LRP2: variants seen among roughly 807,000 people sequenced by gnomAD.
LRP2 encodes LDL receptor related protein 2.
In LRP2, 172 loss-of-function variants were observed where a neutral mutation model predicts 531.0. That is an observed-to-expected ratio of 0.32 (90% confidence interval 0.29 to 0.37). LRP2 has a LOEUF of 0.37. LRP2 is among the 10% of genes least tolerant of loss of function. The pLI is 1.00. For synonymous variants in LRP2, 1,992 were observed against 2,027.6 expected (o/e 0.98, Z 0.47); for missense variants, 5,167 against 5,868.3 (o/e 0.88, Z 3.90).
In LRP2 at chr2:169,259,155, A is replaced by C. The variant is rs1342231992; in HGVS notation, c.2383T>G (p.Ser795Ala). 6.2e-7 allele frequency: 1 copy of C among 1,613,410 alleles called. No homozygotes were observed. Among genetic ancestry groups the C allele is most frequent in the Non-Finnish European group, 8.5e-7 (1 of 1,179,596 alleles). Residue 795 changes from serine (S) to alanine (A), a missense_variant, in exon 17 of 79, where the codon TCA (serine) becomes GCA (alanine). Ser to Ala is a moderately conservative substitution (Grantham distance 99, BLOSUM62 1). Around this residue, in one of 6 missense-constraint regions of LRP2, gnomAD observed 2,811 missense variants for 3,058.0 expected, o/e 0.92. Transcript: ENST00000649046. The stretch of plus-strand genomic sequence containing the variant: ...GAGTCTGTCCAATAGAGATTCTTTG[A>C]AATCCAATCAAAAGCCAAACTTTCA... Reference protein sequence around the residue: ...NVESLAFDWISKNLYWTDSHY... With the variant: ...NVESLAFDWIAKNLYWTDSHY...
At chr2:169,146,616 G>C (rs1685923020) in intron 69 of LRP2, 123 bp downstream of exon 69, 1 of 725,228 alleles carries the variant, frequency 1.4e-6, no homozygotes, top group Admixed American at 2.3e-5. Context: ...GTGGAGGGGT[G>C]GTATCTAAAA....
At chr2:169,306,149 A>G (rs1462900613) in intron 4 of LRP2, among the ~76,000 whole-genome samples, 2 of 151,912 alleles carry the variant, frequency 1.3e-5, no homozygotes, top group Non-Finnish European at 2.9e-5. Context: ...TCAGAAATAT[A>G]TGTTATATGT....
chr2:169,272,939 G>T lies in LRP2; in HGVS notation c.2104C>A (p.Arg702Ser), dbSNP rs147858162. The T allele has an allele frequency of 9.9e-6, 16 of 1,613,500 alleles. No homozygotes were observed. The African/African-American group carries it at 2.0e-4, about 20-fold the overall frequency. ...TFGFQLDTDE[R>S]HCIAVQNFLI... ...ACAGACTTCTTACCAATGCAGTGGC[G>T]CTCATCTGTATCCAGTTGGAAGCCG... Residue 702 changes from arginine (R) to serine (S), a missense_variant, in exon 15 of 79, where the codon CGC becomes AGC. Arg to Ser is a moderately radical substitution (Grantham distance 110, BLOSUM62 -1). Coordinates refer to ENST00000649046, the MANE Select transcript of LRP2 (RefSeq NM_004525.3).
rs188383699 is a variant in LRP2, at chr2:169,147,420, T to C, written c.12591-461A>G. On this transcript the variant is annotated intron_variant, in intron 68 of 78. Coordinates refer to ENST00000649046, the MANE Select transcript of LRP2 (RefSeq NM_004525.3). ...TCACTACACTCCTGGGCTCAAGCGA[T>C]CCTCTCATCTCAGCCTCCTGAGTAG... is the stretch of plus-strand genomic sequence containing the variant. Among the ~76,000 whole-genome samples, 403 of 152,252 alleles carry C rather than the reference T, an allele frequency of 2.6e-3. 2 individuals carry two copies. The highest frequency in any genetic ancestry group is 9.5e-3 in the African/African-American group (395 of 41,552).
At chr2:169,360,147 AAG>A (rs1188079646) in intron 1 of LRP2, among the ~76,000 whole-genome samples, 2,115 of 43,860 alleles carry the variant, frequency 0.048, 293 homozygotes, top group African/African-American at 0.062. Context: ...AAAAAAAAAA[AAG>A]AGAGAGAGAG....
intron 33 of LRP2, among the ~76,000 whole-genome samples, chr2:169,221,658 G>A (rs141220819): frequency 1.1e-3 from 170 of 152,186 alleles, no homozygotes; most frequent in African/African-American, 3.5e-3. Flanking sequence ...TCATACATGC[G>A]TGTGCACGTG....
chr2:169,225,450 C>T lies in LRP2; in HGVS notation c.5398G>A (p.Glu1800Lys). 6.2e-7 allele frequency: 1 copy of T among 1,613,972 alleles called. No homozygotes were observed. The highest frequency in any genetic ancestry group is 8.5e-7 in the Non-Finnish European group (1 of 1,179,912). The change falls in exon 33 of 79, where the codon GAA (glutamate) becomes AAA (lysine). Residue 1800 changes from glutamate to lysine, a missense_variant. By Grantham distance (56) the Glu-to-Lys change is moderately conservative. Around this residue, in one of 6 missense-constraint regions of LRP2, gnomAD observed 2,811 missense variants for 3,058.0 expected, o/e 0.92. Transcript: ENST00000649046. Reference protein sequence around the residue: ...QYIYWVENPGEIHRVKTDGTN... With the variant: ...QYIYWVENPGKIHRVKTDGTN... ...CCATCTGTCTTCACTCTGTGAATTT[C>T]ACCCTGGAAAGAAAGACAAGGGGAG...
At chr2:169,141,273 C>CTGAACACTA (rs1338881334) in intron 71 of LRP2, among the ~76,000 whole-genome samples, 5 of 152,318 alleles carry the variant, frequency 3.3e-5, no homozygotes, top group African/African-American at 1.2e-4. Context: ...CAGGTCTTCC[C>CTGAACACTA]TGAACACTAT....
chr2:169,330,156 T>C (rs770898401), intron 1 of LRP2, among the ~76,000 whole-genome samples: 2 of 152,184 alleles, frequency 1.3e-5, no homozygotes, highest in Non-Finnish European at 2.9e-5. Flanking sequence ...CCAAAAAGCT[T>C]GGGGACCGCT....
intron 42 of LRP2, among the ~76,000 whole-genome samples, chr2:169,203,205 C>G (rs192671854): frequency 4.6e-5 from 7 of 152,276 alleles, no homozygotes; most frequent in Admixed American, 4.6e-4. Context: ...CTCTTCTCAG[C>G]AAAATTTGCA....
In LRP2 at chr2:169,324,484, C is replaced by T. The variant is rs944563698; in HGVS notation, c.80-3600G>A. ...GTAGTTTACTTGGTGACTAACATAG[C>T]ATTAAAAAATTATTGGGCTTAGGAA... is the stretch of plus-strand genomic sequence containing the variant. On this transcript the variant is annotated intron_variant, in intron 1 of 78. Coordinates refer to ENST00000649046, the MANE Select transcript of LRP2 (RefSeq NM_004525.3). Among the ~76,000 whole-genome samples the T allele has an allele frequency of 3.3e-5, 5 of 151,956 alleles. No individual in the cohort carries two copies. The South Asian group carries it at 1.0e-3, about 32-fold the overall frequency.
At chr2:169,343,897 G>T (rs1685628487) in intron 1 of LRP2, among the ~76,000 whole-genome samples, 1 of 152,172 alleles carries the variant, frequency 6.6e-6, no homozygotes, top group Non-Finnish European at 1.5e-5. Context: ...GGAAGCCATA[G>T]AAATTTTCTC....
rs1687604389 is a variant in LRP2, at chr2:169,185,547, G to A, written c.9801C>T (p.His3267=). 6.2e-7 allele frequency: 1 copy of A among 1,613,818 alleles called. No homozygotes were observed. Among genetic ancestry groups the A allele is most frequent in the South Asian group, 1.1e-5 (1 of 91,078 alleles). Residue 3267 remains histidine (H), a synonymous_variant, in exon 50 of 79, where the codon CAC becomes CAT. Transcript: ENST00000649046. The part of the protein sequence containing the change: ...NKTNKETIIN[H]RLPAAESLAV... ...CCAGACTTTCTGCAGCTGGTAGTCT[G>A]TGGTTTATGATTGTCTCCTTGTTTG...
intron 49 of LRP2, among the ~76,000 whole-genome samples, chr2:169,186,756 G>A (rs145997330): frequency 2.0e-3 from 308 of 152,294 alleles, no homozygotes; most frequent in Middle Eastern, 0.014. Context: ...TTGTAAGAGT[G>A]AATGTTTCAT....
At chr2:169,233,310 A>G (rs937186965) in intron 30 of LRP2, 101 bp downstream of exon 30, 26 of 1,313,504 alleles carry the variant, frequency 2.0e-5, no homozygotes, top group African/African-American at 2.9e-5. Flanking sequence ...AGGAAAATGT[A>G]TTGTCCAAAC....
In LRP2 at chr2:169,237,159, C is replaced by A. The variant is rs2105377065; in HGVS notation, c.4635G>T (p.Val1545=). 1.9e-6 allele frequency: 3 copies of A among 1,614,016 alleles called. No individual in the cohort carries two copies. The highest frequency in any genetic ancestry group is 2.5e-6 in the Non-Finnish European group (3 of 1,179,944). The change falls in exon 28 of 79, where the codon GTG becomes GTT. Residue 1545 remains valine, a synonymous_variant. Transcript: ENST00000649046. ...VSKIDGSHRT[V]LISKNLTNPR... is the part of the protein sequence containing the mutation. Reference sequence around the variant, plus strand: ...GATTTGTTAGGTTTTTACTAATCAGCACAGTCCTGTGGCTCCCATCAATTT... The same window carrying A: ...GATTTGTTAGGTTTTTACTAATCAGAACAGTCCTGTGGCTCCCATCAATTT...
At chr2:169,324,240 G>A (rs1684983854) in intron 1 of LRP2, among the ~76,000 whole-genome samples, 1 of 152,082 alleles carries the variant, frequency 6.6e-6, no homozygotes, top group Non-Finnish European at 1.5e-5. Flanking sequence ...GCAAAGCAAG[G>A]ATTTGAATCT....
At chr2:169,263,355 G>T (rs1690651007) in intron 16 of LRP2, among the ~76,000 whole-genome samples, 1 of 151,740 alleles carries the variant, frequency 6.6e-6, no homozygotes, top group African/African-American at 2.4e-5. Context: ...ATCTGACAAA[G>T]GGCTAATATC....
In LRP2 at chr2:169,237,181, A is replaced by G. The variant is rs753902566; in HGVS notation, c.4613T>C (p.Ile1538Thr). 6.2e-6 allele frequency: 10 copies of G among 1,613,870 alleles called. No individual in the cohort carries two copies. Among genetic ancestry groups the G allele is most frequent in the Admixed American group, 1.7e-5 (1 of 59,998 alleles). ...YALETIEVSKIDGSHRTVLIS... is the reference protein window; with the variant it reads ...YALETIEVSKTDGSHRTVLIS... ...CAGCACAGTCCTGTGGCTCCCATCA[A>G]TTTTGGAGACTTCAATTGTTTCCAG... Residue 1538 changes from isoleucine (I) to threonine (T), a missense_variant, in exon 28 of 79, where the codon ATT becomes ACT. Ile to Thr is a moderately conservative substitution (Grantham distance 89). Around this residue, in one of 6 missense-constraint regions of LRP2, gnomAD observed 2,811 missense variants for 3,058.0 expected, o/e 0.92. Transcript: ENST00000649046.
Sources: gnomAD v4.1 joint callset for allele counts (sites outside exome capture counted in the v4.1 genomes callset) on GRCh38, gnomAD v4.1.1 for gene constraint, gnomAD v4.1.1 regional missense constraint, MANE v1.5 for transcripts, NCBI Gene and HGNC (gene_info 2026-07-23, HGNC 2026-07-21) for gene names.